Variants in FAM178B observed in about 807,000 individuals in gnomAD.
FAM178B encodes the protein family with sequence similarity 178 member B.
FAM178B carries 82 observed loss-of-function variants against 91.7 expected under a neutral mutation model. That is an observed-to-expected ratio of 0.89 (90% confidence interval 0.75 to 1.07). The LOEUF (loss-of-function observed/expected upper bound fraction) is 1.07. Ranked by LOEUF, FAM178B falls within the 50% of genes least tolerant of loss-of-function variation. The pLI, the probability that FAM178B is intolerant of heterozygous loss-of-function variation, is 0.00. For synonymous variants in FAM178B, 368 were observed against 359.4 expected (o/e 1.02, Z -0.27); for missense variants, 769 against 846.7 (o/e 0.91, Z 1.14).
intron 12 of FAM178B, among the ~76,000 whole-genome samples, chr2:96,917,140 A>G (rs2081254258): frequency 6.6e-6 from 1 of 152,228 alleles, no homozygotes; most frequent in Non-Finnish European, 1.5e-5. Context: ...GCGGCCAGCC[A>G]GGTGGCTCTG....
intron 7 of FAM178B, among the ~76,000 whole-genome samples, chr2:96,950,367 C>G (rs546445110): frequency 6.6e-6 from 1 of 152,280 alleles, no homozygotes; most frequent in South Asian, 2.1e-4. Context: ...CATACCAGGG[C>G]CCCAGAAGCT....
At chr2:96,903,000 A>G (rs1233121102) in intron 12 of FAM178B, among the ~76,000 whole-genome samples, 1 of 152,088 alleles carries the variant, frequency 6.6e-6, no homozygotes, top group African/African-American at 2.4e-5. Flanking sequence ...ATACATATCC[A>G]TGGATCCATA....
chr2:96,930,297 C>CT (rs1038367718), intron 8 of FAM178B, among the ~76,000 whole-genome samples: 1 of 145,572 alleles, frequency 6.9e-6, no homozygotes, highest in African/African-American at 2.5e-5. Flanking sequence ...TACTCAGGGC[C>CT]TTTTTTTCTG....
chr2:96,954,805 T>C (rs1403828628), intron 6 of FAM178B, among the ~76,000 whole-genome samples: 1 of 152,180 alleles, frequency 6.6e-6, no homozygotes, highest in Non-Finnish European at 1.5e-5. Flanking sequence ...ATCTCAGAAC[T>C]TTGGAAGGCC....
chr2:96,909,899 C>T (rs891580717), intron 12 of FAM178B, among the ~76,000 whole-genome samples: 1 of 152,196 alleles, frequency 6.6e-6, no homozygotes, highest in Non-Finnish European at 1.5e-5. Context: ...AGACAGAACT[C>T]GGGGTGGTGA....
intron 9 of FAM178B, among the ~76,000 whole-genome samples, chr2:96,928,051 A>G (rs1559078732): frequency 6.6e-6 from 1 of 152,204 alleles, no homozygotes; most frequent in Non-Finnish European, 1.5e-5. Context: ...GGGTATTTAT[A>G]GCAGAGCTGA....
In FAM178B at chr2:96,967,643, G is replaced by C. The variant is rs1279544477; in HGVS notation, c.627-16C>G. On this transcript the variant is annotated splice_polypyrimidine_tract_variant and intron_variant, in intron 4 of 16. Coordinates refer to ENST00000490605, the MANE Select transcript of FAM178B (RefSeq NM_001122646.3). ...GGCCTGTTCCCTATAGGAAGTCGAG[G>C]GCCAGAGCCGGGGGTCAGTGTTGTT... 6.6e-7 allele frequency: 1 copy of C among 1,515,908 alleles called. No homozygotes were observed. The highest frequency in any genetic ancestry group is 1.2e-5 in the South Asian group (1 of 83,426). 93.9% of individuals were successfully genotyped at this position (1,515,908 alleles called of 1,614,324 possible). A position where few individuals can be genotyped will look rare whatever the true frequency, so the allele number is the denominator to read the frequency against.
chr2:96,884,710 C>G (rs1447888829), intron 14 of FAM178B, among the ~76,000 whole-genome samples: 1 of 152,208 alleles, frequency 6.6e-6, no homozygotes, highest in Non-Finnish European at 1.5e-5. Context: ...TCTTCCCTGC[C>G]CCATGAGCAA....
intron 14 of FAM178B, among the ~76,000 whole-genome samples, chr2:96,885,963 C>T (rs947731781): frequency 6.6e-6 from 1 of 152,118 alleles, no homozygotes; most frequent in African/African-American, 2.4e-5. Context: ...CGTTGCATAA[C>T]CACCTGACAG....
chr2:96,958,026 T>C (rs1205105826), intron 6 of FAM178B, among the ~76,000 whole-genome samples: 1 of 152,008 alleles, frequency 6.6e-6, no homozygotes, highest in African/African-American at 2.4e-5. Flanking sequence ...TATCATCTAA[T>C]TGGAATGTTT....
At chr2:96,910,795 T>C (rs1280570858) in intron 12 of FAM178B, among the ~76,000 whole-genome samples, 1 of 150,138 alleles carries the variant, frequency 6.7e-6, no homozygotes, top group Non-Finnish European at 1.5e-5. Flanking sequence ...TCTCTCTTCT[T>C]AATTTTTTTT....
intron 10 of FAM178B, among the ~76,000 whole-genome samples, chr2:96,923,139 T>A (rs1002329395): frequency 9.2e-5 from 14 of 151,600 alleles, no homozygotes; most frequent in African/African-American, 3.4e-4. Flanking sequence ...CGGCTGATTT[T>A]TTTTTGTATT....
Position 96,905,852 on chromosome 2 carries a change from A to ATGTGTGTGTGTG in FAM178B, c.1563-3146_1563-3145insCACACACACACA, listed in dbSNP as rs1553498456. 4.8e-3 allele frequency among the ~76,000 whole-genome samples: 132 copies of ATGTGTGTGTGTG among 27,770 alleles called. 3 individuals carry two copies. The highest frequency in any genetic ancestry group is 0.034 in the Middle Eastern group (2 of 58). 18.2% of individuals were successfully genotyped at this position (27,770 alleles called of 152,430 possible). ...TATATATATATATATATATATATAT[A>ATGTGTGTGTGTG]TATATATATTTTTTTTTTTTTTTTT... On this transcript the variant is annotated intron_variant, in intron 12 of 16. Transcript: ENST00000490605.
intron 10 of FAM178B, among the ~76,000 whole-genome samples, chr2:96,922,814 C>G (rs1311358937): frequency 6.6e-6 from 1 of 152,038 alleles, no homozygotes; most frequent in African/African-American, 2.4e-5. Context: ...AAGCAATTCT[C>G]CTGCCTCAGC....
intron 6 of FAM178B, among the ~76,000 whole-genome samples, chr2:96,960,030 A>G (rs947547243): frequency 4.6e-5 from 7 of 152,192 alleles, no homozygotes; most frequent in African/African-American, 9.7e-5. Context: ...TAGGGGAGGG[A>G]AAAGCAACAT....
At chr2:96,894,517 C>A (rs1259873345) in intron 13 of FAM178B, among the ~76,000 whole-genome samples, 2 of 120,332 alleles carry the variant, frequency 1.7e-5, no homozygotes, top group African/African-American at 6.6e-5. Context: ...CACATACACA[C>A]AGACCCCCCC....
At chr2:96,944,114 T>C (rs2081780090) in intron 8 of FAM178B, among the ~76,000 whole-genome samples, 2 of 151,800 alleles carry the variant, frequency 1.3e-5, no homozygotes, top group East Asian at 3.9e-4. Context: ...GTGGTAGCGG[T>C]GCCTGTAGTC....
chr2:96,926,222 T>G (rs2081435682), intron 9 of FAM178B, among the ~76,000 whole-genome samples: 2 of 152,044 alleles, frequency 1.3e-5, no homozygotes, highest in Admixed American at 6.6e-5. Flanking sequence ...AGAATCGCTT[T>G]AACCCGGAGG....
chr2:96,929,640 C>T (rs1322303991), intron 8 of FAM178B, among the ~76,000 whole-genome samples: 8 of 152,252 alleles, frequency 5.3e-5, no homozygotes, highest in Non-Finnish European at 7.3e-5. Flanking sequence ...AGCCAAGTGA[C>T]ACGAAGAGTC....
Sources: gnomAD v4.1 joint callset for allele counts (sites outside exome capture counted in the v4.1 genomes callset) on GRCh38, gnomAD v4.1.1 for gene constraint, MANE v1.5 for transcripts, NCBI Gene and HGNC (gene_info 2026-07-23, HGNC 2026-07-21) for gene names.